Variants in CXCL14 observed in about 807,000 individuals in gnomAD.
CXCL14 encodes the protein C-X-C motif chemokine ligand 14.
In CXCL14, 9 loss-of-function variants were observed where a neutral mutation model predicts 16.1. The ratio of observed to expected loss-of-function variants is 0.56; its 90% CI spans 0.34 to 0.97. The LOEUF (loss-of-function observed/expected upper bound fraction) is 0.97. Ranked by LOEUF, CXCL14 falls within the 50% of genes least tolerant of loss-of-function variation. The pLI is 0.02. For synonymous variants in CXCL14, 55 were observed against 52.8 expected, an observed-to-expected ratio of 1.04 and a Z score of -0.18; for missense variants, 111 against 132.5, an observed-to-expected ratio of 0.84 and a Z score of 0.80.
At chr5:135,575,038 C>G (rs1021138453) in intron 2 of CXCL14, among the ~76,000 whole-genome samples, 1 of 152,128 alleles carries the variant, frequency 6.6e-6, no homozygotes, top group Non-Finnish European at 1.5e-5. Context: ...TCAGAGGACT[C>G]CCAGCCTCTC....
At chr5:135,572,103 A>C (rs1751039235) in intron 3 of CXCL14, among the ~76,000 whole-genome samples, 1 of 152,142 alleles carries the variant, frequency 6.6e-6, no homozygotes, top group African/African-American at 2.4e-5. Flanking sequence ...TCACTTCTGC[A>C]ATCTCATTTT....
rs1324022244 is a variant in CXCL14, at chr5:135,571,720, T to C, written c.*133A>G. 1.1e-6 allele frequency: 1 copy of C among 913,890 alleles called. No individual in the cohort carries two copies. The highest frequency in any genetic ancestry group is 3.2e-5 in the Admixed American group (1 of 31,014). The allele number at this position is 913,890 out of a possible 1,614,324, so 56.6% of individuals were successfully genotyped here. On this transcript the variant is annotated 3_prime_UTR_variant, in exon 4 of 4. Coordinates refer to ENST00000512158, the MANE Select transcript of CXCL14 (RefSeq NM_004887.5). ...TTCATAACAATATATAATTTGTGTC[T>C]TATGCCTGTGAGAAAGAAAGGCTTT...
chr5:135,571,742 CTTTTTTTTTTTTTTTTTTTTTTTTTTTTT>C lies in CXCL14; in HGVS notation c.*82_*110del, dbSNP rs566365690. 154 of 460,490 alleles carry C rather than the reference CTTTTTTTTTTTTTTTTTTTTTTTTTTTTT, an allele frequency of 3.3e-4. 5 individuals are homozygous for C. The highest frequency in any genetic ancestry group is 4.7e-4 in the African/African-American group (11 of 23,550). The allele number at this position is 460,490 out of a possible 1,614,324, so 28.5% of individuals were successfully genotyped here. On this transcript the variant is annotated 3_prime_UTR_variant, in exon 4 of 4. Coordinates refer to ENST00000512158, the MANE Select transcript of CXCL14 (RefSeq NM_004887.5). ...GTCTTATGCCTGTGAGAAAGAAAGG[CTTTTTTTTTTTTTTTTTTTTTTTTTTTTT>C]TTTTTTTTTTTTTTAATCTGCAAAG...
chr5:135,572,887 T>C (rs1751047893), intron 3 of CXCL14, among the ~76,000 whole-genome samples: 1 of 152,166 alleles, frequency 6.6e-6, no homozygotes, highest in African/African-American at 2.4e-5. Flanking sequence ...TGTTCTATGT[T>C]CATTAAGATA....
In CXCL14 at chr5:135,571,767, T is replaced by TAAAA; in HGVS notation, c.*85_*86insTTTT. On this transcript the variant is annotated 3_prime_UTR_variant, in exon 4 of 4. Coordinates refer to ENST00000512158, the MANE Select transcript of CXCL14 (RefSeq NM_004887.5). ...CTTTTTTTTTTTTTTTTTTTTTTTT[T>TAAAA]TTTTTTTTTTTTTTTTTTAATCTGC... is the stretch of plus-strand genomic sequence containing the variant. 7.7e-6 allele frequency: 2 copies of TAAAA among 261,092 alleles called. No individual in the cohort carries two copies. Among genetic ancestry groups the TAAAA allele is most frequent in the East Asian group, 7.6e-5 (1 of 13,216 alleles). 16.2% of individuals were successfully genotyped at this position (261,092 alleles called of 1,614,324 possible).
rs539545498 is a variant in CXCL14, at chr5:135,574,907, A to G, written c.171-222T>C. ...ACTCCATGTTAGGGCCTAACCCTGT[A>G]TGTAGTGAGCAGCCCTCACTTTTCC... On this transcript the variant is annotated intron_variant, in intron 2 of 3. Transcript: ENST00000512158. Among the ~76,000 whole-genome samples the G allele has an allele frequency of 3.9e-5, 6 of 152,114 alleles. No homozygotes were observed. In the South Asian group the frequency reaches 6.2e-4, roughly 16 times the overall value.
In CXCL14 at chr5:135,571,228, TAAAA is replaced by T. The variant is rs1176969918; in HGVS notation, c.*621_*624del. The stretch of plus-strand genomic sequence containing the variant: ...TCTTGGAAATGTTTCCTAGGGTGTG[TAAAA>T]ATTAACCAGGGGGGAATGAAGCACA... On this transcript the variant is annotated 3_prime_UTR_variant, in exon 4 of 4. Transcript: ENST00000512158. The T allele has an allele frequency of 6.6e-6, 1 of 152,314 alleles. No individual in the cohort carries two copies. Among genetic ancestry groups the T allele is most frequent in the African/African-American group, 2.4e-5 (1 of 41,440 alleles). The allele number at this position is 152,314 out of a possible 1,614,324, so 9.4% of individuals were successfully genotyped here. A position where few individuals can be genotyped will look rare whatever the true frequency, so the allele number is the denominator to read the frequency against.
chr5:135,578,614 G>A, intron 1 of CXCL14, 75 bp from the exon 2 acceptor site: 2 of 1,596,026 alleles, frequency 1.3e-6, no homozygotes, highest in Non-Finnish European at 1.7e-6. Context: ...TGCCCACCCA[G>A]ACCACCCCCC....
rs115896115 is a variant in CXCL14, at chr5:135,574,568, G to A, written c.284+4C>T. On this transcript the variant is annotated splice_donor_region_variant and intron_variant, in intron 3 of 3. Coordinates refer to ENST00000512158, the MANE Select transcript of CXCL14 (RefSeq NM_004887.5). ...GAAGGAAGGTGAGTAGAGGCGGGGC[G>A]TACCTGCGCTTCTCGTTCCAGGCGT... is the stretch of plus-strand genomic sequence containing the variant. 3.0e-4 allele frequency: 488 copies of A among 1,609,650 alleles called. No individual in the cohort carries two copies. In the African/African-American group the frequency reaches 5.7e-3, roughly 19 times the overall value.
chr5:135,578,687 G>C (rs1271903266), intron 1 of CXCL14, 28 bp downstream of exon 1: 1 of 1,554,452 alleles, frequency 6.4e-7, no homozygotes, highest in Non-Finnish European at 8.7e-7. Flanking sequence ...AAGACGAGAC[G>C]GCGACAAGGG....
At chr5:135,572,805 T>C (rs1751047051) in intron 3 of CXCL14, among the ~76,000 whole-genome samples, 1 of 152,224 alleles carries the variant, frequency 6.6e-6, no homozygotes, top group African/African-American at 2.4e-5. Context: ...TTCTACTTCC[T>C]CCAACCTAGC....
At chr5:135,578,358 A>G in intron 2 of CXCL14, 76 bp downstream of exon 2, 2 of 1,265,282 alleles carry the variant, frequency 1.6e-6, no homozygotes. Context: ...TGTTAGCCCG[A>G]CCCAGGCCCA....
chr5:135,578,551 C>T lies in CXCL14; in HGVS notation c.65-12G>A. 6.2e-7 allele frequency: 1 copy of T among 1,613,156 alleles called. No individual in the cohort carries two copies. The highest frequency in any genetic ancestry group is 1.1e-5 in the South Asian group (1 of 91,050). On this transcript the variant is annotated splice_polypyrimidine_tract_variant and intron_variant, in intron 1 of 3. Transcript: ENST00000512158. ...CTTGCATTTGGACCCTGCGAGCGAGCGCGGGGCAACGGCTTAGTTGCTAGG... is the reference window on the plus strand; with the variant it reads ...CTTGCATTTGGACCCTGCGAGCGAGTGCGGGGCAACGGCTTAGTTGCTAGG...
In CXCL14 at chr5:135,571,955, T is replaced by A. The variant is rs1230616528; in HGVS notation, c.285-87A>T. 2.9e-6 allele frequency: 4 copies of A among 1,369,116 alleles called. No individual in the cohort carries two copies. In the East Asian group the frequency reaches 9.3e-5, roughly 32 times the overall value. 84.8% of individuals were successfully genotyped at this position (1,369,116 alleles called of 1,614,324 possible). ...CTGGCTAAGCGGCTTCATTCACGTC[T>A]GGTCTGCAGGGAATGCCCCTGTCCC... On this transcript the variant is annotated intron_variant, in intron 3 of 3. Transcript: ENST00000512158.
chr5:135,578,622 C>G, intron 1 of CXCL14, 83 bp from the exon 2 acceptor site: 1 of 1,592,422 alleles, frequency 6.3e-7, no homozygotes, highest in South Asian at 1.1e-5. Flanking sequence ...CAGACCACCC[C>G]CCGCGGGATC....
At chr5:135,574,776 G>A in intron 2 of CXCL14, 91 bp from the exon 3 acceptor site, 1 of 1,075,600 alleles carries the variant, frequency 9.3e-7, no homozygotes, top group Non-Finnish European at 1.4e-6. Context: ...GGCTAAGTCA[G>A]GGCCCTGAGA....
At chr5:135,571,930 C>G in intron 3 of CXCL14, 62 bp from the exon 4 acceptor site, 2 of 1,569,556 alleles carry the variant, frequency 1.3e-6, no homozygotes, top group South Asian at 2.2e-5. Flanking sequence ...TCACAAGATG[C>G]TGGCTAAGCG....
At chr5:135,578,691 A>T (rs1188236528) in intron 1 of CXCL14, 24 bp downstream of exon 1, 1 of 1,554,266 alleles carries the variant, frequency 6.4e-7, no homozygotes, top group South Asian at 1.2e-5. Context: ...CGAGACGGCG[A>T]CAAGGGGAGC....
Position 135,577,280 on chromosome 5 carries a change from G to A in CXCL14, c.170+1154C>T, listed in dbSNP as rs537876028. Among the ~76,000 whole-genome samples, 297 of 152,262 alleles carry A rather than the reference G, an allele frequency of 2.0e-3. 1 individual carries two copies. Among genetic ancestry groups the A allele is most frequent in the Non-Finnish European group, 3.7e-3 (250 of 68,026 alleles). On this transcript the variant is annotated intron_variant, in intron 2 of 3. Coordinates refer to ENST00000512158, the MANE Select transcript of CXCL14 (RefSeq NM_004887.5). ...CCAAACTGGAAGCCCTGAGGAGCTT[G>A]GAGCTCCTTTCCCAGCTCATTTGAC... is the stretch of plus-strand genomic sequence containing the variant.
Sources: gnomAD v4.1 joint callset for allele counts (sites outside exome capture counted in the v4.1 genomes callset) on GRCh38, gnomAD v4.1.1 for gene constraint, MANE v1.5 for transcripts, NCBI Gene and HGNC (gene_info 2026-07-23, HGNC 2026-07-21) for gene names.